RAB27A: variants seen among roughly 807,000 people sequenced by gnomAD.
The protein encoded by RAB27A is RAB27A, member RAS oncogene family.
Under a neutral mutation model 20.8 loss-of-function variants are expected in RAB27A, and 17 were observed. The observed-to-expected ratio is 0.82, with a 90% CI of 0.56 to 1.23. The LOEUF is 1.23. RAB27A is among the 50% of genes most tolerant of loss of function. The pLI is 0.00. For synonymous variants in RAB27A, 85 were observed against 92.8 expected, an observed-to-expected ratio of 0.92 and a Z score of 0.48; for missense variants, 277 against 266.7, an observed-to-expected ratio of 1.04 and a Z score of -0.27.
chr15:55,221,228 G>C (rs1264115998), intron 6 of RAB27A, among the ~76,000 whole-genome samples: 2 of 152,182 alleles, frequency 1.3e-5, no homozygotes, highest in African/African-American at 4.8e-5. Context: ...CAGTACTTGA[G>C]AATATACTTG....
intron 6 of RAB27A, among the ~76,000 whole-genome samples, chr15:55,209,084 G>C (rs1348445925): frequency 6.6e-6 from 1 of 152,244 alleles, no homozygotes; most frequent in African/African-American, 2.4e-5. Context: ...AATGTGTAAA[G>C]ATAAGTATAC....
At chr15:55,209,226 C>T (rs1894801730) in intron 6 of RAB27A, among the ~76,000 whole-genome samples, 1 of 152,102 alleles carries the variant, frequency 6.6e-6, no homozygotes, top group Admixed American at 6.6e-5. Flanking sequence ...CCTTCTAACA[C>T]TACATCTTAT....
At chr15:55,299,503 A>G (rs2054962836) in intron 2 of RAB27A, among the ~76,000 whole-genome samples, 1 of 151,572 alleles carries the variant, frequency 6.6e-6, no homozygotes, top group Non-Finnish European at 1.5e-5. Flanking sequence ...CTGAGGCAGG[A>G]GAATTGCTCC....
chr15:55,311,491 G>A lies in RAB27A; in HGVS notation c.-112+2548C>T, dbSNP rs532111535. 1.1e-3 allele frequency among the ~76,000 whole-genome samples: 168 copies of A among 152,182 alleles called. 1 individual carries two copies. The highest frequency in any genetic ancestry group is 3.8e-3 in the African/African-American group (159 of 41,522). ...TGAAGGGGGGTCCTTATTAGTTGGGGAAGGAGTCGAGGGGACGCTGGGGTA... is the reference window on the plus strand; with the variant it reads ...TGAAGGGGGGTCCTTATTAGTTGGGAAAGGAGTCGAGGGGACGCTGGGGTA... On this transcript the variant is annotated intron_variant, in intron 2 of 5. Coordinates refer to the RAB27A transcript ENST00000563262.
intron 2 of RAB27A, chr15:55,238,322 C>A (rs1160010220): frequency 6.6e-6 from 1 of 152,030 alleles, no homozygotes; most frequent in Non-Finnish European, 1.5e-5. Flanking sequence ...ATCCATTATT[C>A]ATTTTTGTTA....
intron 2 of RAB27A, chr15:55,238,276 C>A (rs1896343584): frequency 6.6e-6 from 1 of 152,140 alleles, no homozygotes; most frequent in Non-Finnish European, 1.5e-5. Context: ...GATCTCCTAG[C>A]TCCAAGTCCA....
intron 1 of RAB27A, among the ~76,000 whole-genome samples, chr15:55,316,627 TAGAGTAA>T (rs2055045538): frequency 6.6e-6 from 1 of 151,774 alleles, no homozygotes; most frequent in African/African-American, 2.4e-5. Context: ...AACTTAACGC[TAGAGTAA>T]AAAGTAATAC....
At chr15:55,266,907 C>T (rs1053337328) in intron 2 of RAB27A, among the ~76,000 whole-genome samples, 26 of 152,096 alleles carry the variant, frequency 1.7e-4, no homozygotes, top group Admixed American at 1.2e-3. Context: ...CTAGGGCTCA[C>T]AAGAAGAATA....
At chr15:55,282,923 T>TAAAC (rs1330944798) in intron 1 of RAB27A, among the ~76,000 whole-genome samples, 4 of 132,158 alleles carry the variant, frequency 3.0e-5, no homozygotes, top group African/African-American at 1.0e-4. Flanking sequence ...AATAAATAAA[T>TAAAC]AAATAAACAA....
intron 3 of RAB27A, among the ~76,000 whole-genome samples, chr15:55,232,325 AAAAT>A (rs1395416876): frequency 6.6e-6 from 1 of 152,238 alleles, no homozygotes; most frequent in African/African-American, 2.4e-5. Context: ...AGCAACGACA[AAAAT>A]AAATAAATAT....
intron 2 of RAB27A, among the ~76,000 whole-genome samples, chr15:55,253,026 GGAGGCT>G (rs1020719383): frequency 6.6e-6 from 1 of 151,946 alleles, no homozygotes; most frequent in African/African-American, 2.4e-5. Flanking sequence ...CAGCTACTCA[GGAGGCT>G]GAGGCAGTAG....
intron 6 of RAB27A, among the ~76,000 whole-genome samples, chr15:55,223,289 A>G (rs577141312): frequency 6.6e-6 from 1 of 151,886 alleles, no homozygotes; most frequent in Non-Finnish European, 1.5e-5. Context: ...GGTGGGTCAC[A>G]AGGTCAGGAG....
intron 2 of RAB27A, among the ~76,000 whole-genome samples, chr15:55,253,259 C>A (rs1374184868): frequency 6.6e-6 from 1 of 151,804 alleles, no homozygotes; most frequent in Non-Finnish European, 1.5e-5. Flanking sequence ...ACCAGCCTGG[C>A]CAACATGGTG....
intron 2 of RAB27A, among the ~76,000 whole-genome samples, chr15:55,255,811 G>A (rs1466273665): frequency 2.6e-5 from 4 of 152,038 alleles, no homozygotes; most frequent in Admixed American, 1.3e-4. Flanking sequence ...GAAAAAGGAC[G>A]GATAAGACAA....
chr15:55,294,313 C>A (rs987239587), upstream of RAB27A, among the ~76,000 whole-genome samples: 1 of 152,060 alleles, frequency 6.6e-6, no homozygotes, highest in Non-Finnish European at 1.5e-5. Context: ...TGAGGCCTGG[C>A]GCGGTAGCTC....
At chr15:55,249,844 C>A (rs1416475509) in intron 2 of RAB27A, among the ~76,000 whole-genome samples, 2 of 152,196 alleles carry the variant, frequency 1.3e-5, no homozygotes, top group African/African-American at 4.8e-5. Flanking sequence ...ACAAGCATTG[C>A]AGTCCTTATT....
intron 3 of RAB27A, among the ~76,000 whole-genome samples, chr15:55,231,722 T>C (rs1316565549): frequency 1.3e-5 from 2 of 152,210 alleles, no homozygotes; most frequent in East Asian, 1.9e-4. Context: ...TGAGAAAAAT[T>C]GTCAGGAAGC....
Position 55,287,877 on chromosome 15 carries a change from T to C in RAB27A, c.-143+1839A>G, listed in dbSNP as rs556378317. Among the ~76,000 whole-genome samples, 11 of 152,284 alleles carry C rather than the reference T, an allele frequency of 7.2e-5. No individual in the cohort carries two copies. The East Asian group carries it at 2.1e-3, about 29-fold the overall frequency. Reference sequence around the variant, plus strand: ...TATGTAGCTACAATAATCAAGGTAGTATGATACTAGCCTGAGGACAGACAT... The same window carrying C: ...TATGTAGCTACAATAATCAAGGTAGCATGATACTAGCCTGAGGACAGACAT... On this transcript the variant is annotated intron_variant, in intron 1 of 6. Coordinates refer to ENST00000336787, the MANE Select transcript of RAB27A (RefSeq NM_183235.3).
rs1176686278 is a variant in RAB27A, at chr15:55,267,214, CTAGCTAAAAGA to C, written c.-23+2940_-23+2950del. Among the ~76,000 whole-genome samples, 9 of 152,252 alleles carry C rather than the reference CTAGCTAAAAGA, an allele frequency of 5.9e-5. No individual in the cohort carries two copies. The East Asian group carries it at 1.5e-3, about 26-fold the overall frequency. ...TTGAGCTATTTGCTGGATTTACCAT[CTAGCTAAAAGA>C]TAGCTAAAAGATTCCAGCTTAGACT... On this transcript the variant is annotated intron_variant, in intron 2 of 6. Transcript: ENST00000336787.
Sources: gnomAD v4.1 joint callset for allele counts (sites outside exome capture counted in the v4.1 genomes callset) on GRCh38, gnomAD v4.1.1 for gene constraint, MANE v1.5 for transcripts, NCBI Gene and HGNC (gene_info 2026-07-23, HGNC 2026-07-21) for gene names.